The following PTPRT variants were observed in gnomAD, a reference collection of about 807,000 sequenced individuals.
PTPRT encodes the protein receptor-type tyrosine-protein phosphatase T.
A neutral mutation model predicts 176.8 loss-of-function variants in PTPRT; 56 were observed. That is an observed-to-expected ratio of 0.32 (90% CI 0.26 to 0.40). The LOEUF is 0.40. PTPRT is among the 10% of genes least tolerant of loss of function. The pLI, the probability that PTPRT is intolerant of heterozygous loss-of-function variation, is 1.00. For synonymous variants in PTPRT, 783 were observed against 739.0 expected, an observed-to-expected ratio of 1.06 and a Z score of -0.96; for missense variants, 1,540 against 1,908.2, an observed-to-expected ratio of 0.81 and a Z score of 3.60.
intron 1 of PTPRT, among the ~76,000 whole-genome samples, chr20:42,919,168 TC>T (rs1978985299): frequency 6.6e-6 from 1 of 152,094 alleles, no homozygotes; most frequent in Admixed American, 6.6e-5. Flanking sequence ...AGCCTGGGGA[TC>T]CCCCAGAGAT....
chr20:43,165,969 C>G (rs1335682354), intron 1 of PTPRT, among the ~76,000 whole-genome samples: 1 of 152,128 alleles, frequency 6.6e-6, no homozygotes, highest in East Asian at 1.9e-4. Flanking sequence ...GCAGGCAGAT[C>G]ACCTGAGGTC....
intron 6 of PTPRT, among the ~76,000 whole-genome samples, chr20:42,752,536 C>T (rs1778840519): frequency 6.6e-6 from 1 of 152,210 alleles, no homozygotes; most frequent in South Asian, 2.1e-4. Flanking sequence ...ACCTTGAAGA[C>T]ATGGTTTTCT....
At chr20:43,003,400 G>A (rs906530850) in intron 1 of PTPRT, among the ~76,000 whole-genome samples, 3 of 151,874 alleles carry the variant, frequency 2.0e-5, no homozygotes, top group African/African-American at 4.8e-5. Context: ...GAGGGTCTCC[G>A]TGTGTTCCCC....
At chr20:42,733,965 G>A (rs1242397972) in intron 6 of PTPRT, among the ~76,000 whole-genome samples, 1 of 152,170 alleles carries the variant, frequency 6.6e-6, no homozygotes, top group Non-Finnish European at 1.5e-5. Context: ...GTCAGCTCAG[G>A]CAAAGGCCCA....
Position 42,212,264 on chromosome 20 carries a change from C to A in PTPRT, c.2343-12876G>T, listed in dbSNP as rs530058672. Among the ~76,000 whole-genome samples the A allele has an allele frequency of 3.2e-3, 451 of 141,284 alleles. 4 individuals carry two copies. Among genetic ancestry groups the A allele is most frequent in the Non-Finnish European group, 4.7e-3 (313 of 66,186 alleles). The allele number at this position is 141,284 out of a possible 152,430, so 92.7% of individuals were successfully genotyped here. ...TATACATATGTAACATGTAACTAACCTGCACAATGTGCACATGTACCCTAA... is the reference window on the plus strand; with the variant it reads ...TATACATATGTAACATGTAACTAACATGCACAATGTGCACATGTACCCTAA... On this transcript the variant is annotated intron_variant, in intron 15 of 30. Transcript: ENST00000373187.
chr20:43,154,582 T>G (rs2014461367), intron 1 of PTPRT, among the ~76,000 whole-genome samples: 1 of 152,184 alleles, frequency 6.6e-6, no homozygotes, highest in African/African-American at 2.4e-5. Context: ...TCATAGGGAT[T>G]ACACTGAATC....
intron 4 of PTPRT, among the ~76,000 whole-genome samples, chr20:42,772,865 C>T (rs552098742): frequency 1.3e-5 from 2 of 152,342 alleles, no homozygotes; most frequent in African/African-American, 4.8e-5. Flanking sequence ...CATGCTCTAT[C>T]TAATTTAACT....
chr20:43,111,846 AT>A (rs1330777794), intron 1 of PTPRT, among the ~76,000 whole-genome samples: 2 of 152,206 alleles, frequency 1.3e-5, no homozygotes, highest in Non-Finnish European at 2.9e-5. Context: ...AGCTTTTGAA[AT>A]GAGCTGCCAG....
intron 13 of PTPRT, among the ~76,000 whole-genome samples, chr20:42,253,943 C>G (rs924909559): frequency 7.2e-5 from 11 of 152,168 alleles, no homozygotes; most frequent in Non-Finnish European, 1.6e-4. Flanking sequence ...AGCTCCAGCC[C>G]AGAGTCTTAA....
chr20:42,511,041 T>C (rs978938336), intron 7 of PTPRT, among the ~76,000 whole-genome samples: 3 of 152,034 alleles, frequency 2.0e-5, no homozygotes, highest in African/African-American at 4.8e-5. Flanking sequence ...AGGGAACTGA[T>C]GACTTTGTAA....
chr20:42,940,273 C>T (rs1018684703), intron 1 of PTPRT, among the ~76,000 whole-genome samples: 2 of 152,160 alleles, frequency 1.3e-5, no homozygotes, highest in Non-Finnish European at 2.9e-5. Context: ...TTTACTGGCT[C>T]TGGACCTGAG....
At chr20:43,047,335 T>C (rs969598387) in intron 1 of PTPRT, among the ~76,000 whole-genome samples, 1 of 152,120 alleles carries the variant, frequency 6.6e-6, no homozygotes, top group Non-Finnish European at 1.5e-5. Context: ...GCCATTTAGT[T>C]CTTTTAAGAG....
intron 22 of PTPRT, among the ~76,000 whole-genome samples, chr20:42,112,473 C>T (rs970836586): frequency 2.6e-5 from 4 of 152,180 alleles, no homozygotes; most frequent in Admixed American, 6.5e-5. Context: ...ACGGGTTGCC[C>T]GGTACGTGGG....
chr20:42,352,271 A>G lies in PTPRT; in HGVS notation c.1575T>C (p.Ala525=). The G allele has an allele frequency of 6.2e-7, 1 of 1,614,184 alleles. No homozygotes were observed. Among genetic ancestry groups the G allele is most frequent in the Non-Finnish European group, 8.5e-7 (1 of 1,180,020 alleles). The part of the protein sequence containing the change: ...VITLYEINYK[A]VGSLDPSADL... Reference sequence around the variant, plus strand: ...CAGCACTTGGGTCCAGCGAGCCGACAGCCTTGTAGTTGATCTGTAGGACAA... The same window carrying G: ...CAGCACTTGGGTCCAGCGAGCCGACGGCCTTGTAGTTGATCTGTAGGACAA... Residue 525 remains alanine (A), a synonymous_variant, in exon 10 of 31, where the codon GCT becomes GCC. Transcript: ENST00000373187.
intron 6 of PTPRT, among the ~76,000 whole-genome samples, chr20:42,755,002 A>G (rs554281222): frequency 6.6e-6 from 1 of 152,314 alleles, no homozygotes; most frequent in South Asian, 2.1e-4. Flanking sequence ...GGGAGACAAA[A>G]AGTCACCAAG....
rs184120422 is a variant in PTPRT at position 42,988,073 on chromosome 20, A to G, written c.89-102141T>C. Reference sequence around the variant, plus strand: ...CTGCCAAAGTCCACTGATCACACACATCAGCCCTGGAACAACATGGGAGGG... The same window carrying G: ...CTGCCAAAGTCCACTGATCACACACGTCAGCCCTGGAACAACATGGGAGGG... On this transcript the variant is annotated intron_variant, in intron 1 of 30. Transcript: ENST00000373187. Among the ~76,000 whole-genome samples the G allele has an allele frequency of 3.9e-4, 60 of 152,270 alleles. No individual in the cohort carries two copies. In the South Asian group the frequency reaches 6.6e-3, roughly 17 times the overall value.
intron 1 of PTPRT, among the ~76,000 whole-genome samples, chr20:42,923,345 A>G (rs912414596): frequency 5.3e-5 from 8 of 152,226 alleles, no homozygotes; most frequent in African/African-American, 1.9e-4. Context: ...TCAGAAGAAG[A>G]AGACAATCTG....
intron 1 of PTPRT, among the ~76,000 whole-genome samples, chr20:43,081,073 C>G (rs1003002615): frequency 6.6e-6 from 1 of 152,216 alleles, no homozygotes; most frequent in African/African-American, 2.4e-5. Flanking sequence ...TTAGCTGAAG[C>G]TGGCTTGTCA....
chr20:42,370,702 A>G (rs945675468), intron 9 of PTPRT, among the ~76,000 whole-genome samples: 1 of 152,230 alleles, frequency 6.6e-6, no homozygotes, highest in Non-Finnish European at 1.5e-5. Context: ...GGACATAATA[A>G]GCACTGGATA....
Sources: gnomAD v4.1 joint callset for allele counts (sites outside exome capture counted in the v4.1 genomes callset) on GRCh38, gnomAD v4.1.1 for gene constraint, MANE v1.5 for transcripts, NCBI Gene and HGNC (gene_info 2026-07-23, HGNC 2026-07-21) for gene names.